NAT2: variants seen among roughly 807,000 people sequenced by gnomAD.
NAT2 encodes the protein N-acetyltransferase 2.
For missense variants in NAT2, 428 were observed against 339.1 expected (o/e 1.26, Z -2.06); for synonymous variants, 137 against 125.9 (o/e 1.09, Z -0.59).
upstream of NAT2, among the ~76,000 whole-genome samples, chr8:18,386,751 C>T (rs1242443056): frequency 6.6e-6 from 1 of 152,136 alleles, no homozygotes; most frequent in Non-Finnish European, 1.5e-5. Flanking sequence ...TCTTCTCTGA[C>T]TCTGCAAACC....
At position 18,398,813 on chromosome 8, in the gene NAT2, G is replaced by A. The variant is rs149103713; in HGVS notation, c.-6-1185G>A. Among the ~76,000 whole-genome samples the A allele has an allele frequency of 3.1e-4, 47 of 152,202 alleles. No individual in the cohort carries two copies. In the East Asian group the frequency reaches 7.9e-3, roughly 26 times the overall value. ...CAATAGAGTTTCAATGATCTACTTA[G>A]GTCACATGCCACCCATCAGCCAAGC... On this transcript the variant is annotated intron_variant, in intron 1 of 1. Transcript: ENST00000286479.
At position 18,400,812 on chromosome 8, in the gene NAT2, T is replaced by C. The variant is rs868725509; in HGVS notation, c.809T>C (p.Ile270Thr). The change falls in exon 2 of 2, where the codon ATA (isoleucine) becomes ACA (threonine). Residue 270 changes from isoleucine (I) to threonine (T), a missense_variant. Transcript: ENST00000286479. ...EEEVEEVLRN[I>T]FKISLGRNLV... ...GAGGTTGAAGAAGTGCTGAGAAATA[T>C]ATTTAAGATTTCCTTGGGGAGAAAT... 8.1e-6 allele frequency: 13 copies of C among 1,610,770 alleles called. No homozygotes were observed. The highest frequency in any genetic ancestry group is 5.3e-5 in the African/African-American group (4 of 74,810).
chr8:18,389,666 A>G (rs899391351), upstream of NAT2, among the ~76,000 whole-genome samples: 2 of 152,236 alleles, frequency 1.3e-5, no homozygotes, highest in Admixed American at 1.3e-4. Context: ...GAAAAAGTAC[A>G]TCTATGATCT....
intron 1 of NAT2, among the ~76,000 whole-genome samples, chr8:18,398,205 A>G (rs1018278748): frequency 6.6e-6 from 1 of 152,218 alleles, no homozygotes; most frequent in Non-Finnish European, 1.5e-5. Flanking sequence ...GGCAAAAGGC[A>G]TAACCTAATG....
chr8:18,388,225 TG>T (rs1220053300), upstream of NAT2, among the ~76,000 whole-genome samples: 1 of 152,140 alleles, frequency 6.6e-6, no homozygotes, highest in Non-Finnish European at 1.5e-5. Flanking sequence ...AATTATTACA[TG>T]TTTGTATGTT....
chr8:18,400,592 C>T lies in NAT2; in HGVS notation c.589C>T (p.Arg197Ter), dbSNP rs375746304. Reference protein sequence around the residue: ...QKIYLFTLEPRTIEDFESMNT... With the variant: ...QKIYLFTLEP ...AATATACTTATTTACGCTTGAACCT[C>T]GAACAATTGAAGATTTTGAGTCTAT... Residue 197 changes from arginine (R) to a stop codon, truncating the protein, a stop_gained, in exon 2 of 2, where the codon CGA becomes TGA. Transcript: ENST00000286479. LOFTEE classifies it low-confidence loss of function (END_TRUNC). 2.1e-5 allele frequency: 34 copies of T among 1,613,208 alleles called. No homozygotes were observed. The highest frequency in any genetic ancestry group is 4.0e-5 in the African/African-American group (3 of 74,844).
At chr8:18,393,406 A>G (rs1179828538) in intron 1 of NAT2, among the ~76,000 whole-genome samples, 1 of 152,170 alleles carries the variant, frequency 6.6e-6, no homozygotes, top group Non-Finnish European at 1.5e-5. Context: ...CAAATGGTTT[A>G]GGCCTTTAGA....
At chr8:18,399,342 A>G (rs1451841046) in intron 1 of NAT2, among the ~76,000 whole-genome samples, 3 of 152,164 alleles carry the variant, frequency 2.0e-5, no homozygotes, top group African/African-American at 7.2e-5. Context: ...CCAGGCACTT[A>G]CCACAATCTA....
Position 18,400,206 on chromosome 8 carries a change from G to C in NAT2, c.203G>C (p.Cys68Ser). 6.2e-7 allele frequency: 1 copy of C among 1,612,162 alleles called. No homozygotes were observed. Among genetic ancestry groups the C allele is most frequent in the Non-Finnish European group, 8.5e-7 (1 of 1,178,666 alleles). The part of the protein sequence containing the change: ...HIVRRNRGGW[C>S]LQVNQLLYWA... ...GTAAGAAGAAACCGGGGTGGGTGGT[G>C]TCTCCAGGTCAATCAACTTCTGTAC... The change falls in exon 2 of 2, where the codon TGT becomes TCT. Residue 68 changes from cysteine (C) to serine (S), a missense_variant. By Grantham distance (112) the Cys-to-Ser change is moderately radical (BLOSUM62 -1). Coordinates refer to ENST00000286479, the MANE Select transcript of NAT2 (RefSeq NM_000015.3).
At chr8:18,391,389 G>A (rs1325774356) in intron 1 of NAT2, 44 bp downstream of exon 1, 3 of 151,968 alleles carry the variant, frequency 2.0e-5, no homozygotes, top group Admixed American at 2.0e-4. Flanking sequence ...CTTTGAAAGT[G>A]GGGTATAAAT....
At position 18,400,342 on chromosome 8, in the gene NAT2, C is replaced by T. The variant is rs1800767885; in HGVS notation, c.339C>T (p.Thr113=). ...TGGTTCACCTTCTCCTGCAGGTGAC[C>T]ATTGACGGCAGGAATTACATTGTCG... ...TGMVHLLLQV[T]IDGRNYIVDA... Residue 113 remains threonine, a synonymous_variant, in exon 2 of 2, where the codon ACC becomes ACT. Coordinates refer to ENST00000286479, the MANE Select transcript of NAT2 (RefSeq NM_000015.3). 1 of 1,613,250 alleles carries T rather than the reference C, an allele frequency of 6.2e-7. No individual in the cohort carries two copies. The highest frequency in any genetic ancestry group is 2.2e-5 in the East Asian group (1 of 44,848).
intron 1 of NAT2, among the ~76,000 whole-genome samples, chr8:18,399,431 G>A (rs549983723): frequency 6.6e-6 from 1 of 152,054 alleles, no homozygotes. Flanking sequence ...ATATTTTTGA[G>A]GGCAAGCAAG....
In NAT2 at chr8:18,400,616, A is replaced by T. The variant is rs45607939; in HGVS notation, c.613A>T (p.Met205Leu). The T allele has an allele frequency of 1.0e-3, 1,679 of 1,614,024 alleles. 3 individuals carry two copies. The highest frequency in any genetic ancestry group is 1.2e-3 in the Non-Finnish European group (1,467 of 1,179,980). ...TCGAACAATTGAAGATTTTGAGTCT[A>T]TGAATACATACCTGCAGACGTCTCC... ...EPRTIEDFES[M>L]NTYLQTSPTS... Residue 205 changes from methionine to leucine, a missense_variant, in exon 2 of 2, where the codon ATG (methionine) becomes TTG (leucine). Coordinates refer to ENST00000286479, the MANE Select transcript of NAT2 (RefSeq NM_000015.3).
intron 1 of NAT2, among the ~76,000 whole-genome samples, chr8:18,396,100 C>G (rs891416734): frequency 5.9e-5 from 9 of 151,850 alleles, no homozygotes; most frequent in Non-Finnish European, 1.0e-4. Context: ...TTAATAAAAT[C>G]TTACAAACAA....
At chr8:18,399,149 T>C (rs973874) in intron 1 of NAT2, among the ~76,000 whole-genome samples, 148,973 of 152,258 alleles carry the variant, frequency 0.98, 72,949 homozygotes, top group East Asian at 1. Context: ...CCTCAACACT[T>C]GGGACAGGTT....
chr8:18,399,958 A>C (rs772909121), intron 1 of NAT2, 40 bp from the exon 2 acceptor site: 165 of 1,516,462 alleles, frequency 1.1e-4, no homozygotes, highest in Middle Eastern at 1.9e-4. Flanking sequence ...ATCAAATGCT[A>C]AAGTATGATA....
At position 18,400,791 on chromosome 8, in the gene NAT2, T is replaced by C. The variant is rs968335980; in HGVS notation, c.788T>C (p.Val263Ala). ...VEFKTLTEEE[V>A]EEVLRNIFKI... ...TTTAAAACTCTCACTGAGGAAGAGGTTGAAGAAGTGCTGAGAAATATATTT... is the reference window on the plus strand; with the variant it reads ...TTTAAAACTCTCACTGAGGAAGAGGCTGAAGAAGTGCTGAGAAATATATTT... The change falls in exon 2 of 2, where the codon GTT (valine) becomes GCT (alanine). Residue 263 changes from valine (V) to alanine (A), a missense_variant. Transcript: ENST00000286479. 2.0e-5 allele frequency: 33 copies of C among 1,612,582 alleles called. No homozygotes were observed. The highest frequency in any genetic ancestry group is 2.8e-5 in the Non-Finnish European group (33 of 1,179,716).
intron 1 of NAT2, 141 bp downstream of exon 1, chr8:18,391,486 A>G (rs530970650): frequency 6.6e-6 from 1 of 152,068 alleles, no homozygotes; most frequent in African/African-American, 2.4e-5. Flanking sequence ...ACTAAATTCC[A>G]GGCCATAATG....
chr8:18,386,598 T>C (rs931576230), upstream of NAT2, among the ~76,000 whole-genome samples: 21 of 152,282 alleles, frequency 1.4e-4, no homozygotes, highest in African/African-American at 5.1e-4. Context: ...TTGTCCTCCC[T>C]TCCAGTGAGT....
Sources: gnomAD v4.1 joint callset for allele counts (sites outside exome capture counted in the v4.1 genomes callset) on GRCh38, gnomAD v4.1.1 for gene constraint, MANE v1.5 for transcripts, NCBI Gene and HGNC (gene_info 2026-07-23, HGNC 2026-07-21) for gene names.